The following FAM107B variants were observed in gnomAD, a reference collection of about 807,000 sequenced individuals.
FAM107B encodes protein FAM107B.
In FAM107B, 21 loss-of-function variants were observed where a neutral mutation model predicts 31.5. That is an observed-to-expected ratio of 0.67 (90% CI 0.47 to 0.96). The LOEUF (loss-of-function observed/expected upper bound fraction) is 0.96, where lower values mean the gene tolerates loss of function less well. Ranked by LOEUF, FAM107B falls within the 40% of genes least tolerant of loss-of-function variation. The pLI is 0.00. For missense variants in FAM107B, 452 were observed against 377.1 expected, an observed-to-expected ratio of 1.20 and a Z score of -1.64; for synonymous variants, 157 against 141.5, an observed-to-expected ratio of 1.11 and a Z score of -0.78.
Position 14,659,334 on chromosome 10 carries a change from C to T in FAM107B, c.469+8300G>A, listed in dbSNP as rs545508803. ...CGCGCACCTGTAGTCTCAGCTCCTC[C>T]GGAGGCTGAGGCAGGAGAATTGCTG... On this transcript the variant is annotated intron_variant, in intron 2 of 4. Transcript: ENST00000181796. Among the ~76,000 whole-genome samples the T allele has an allele frequency of 4.6e-5, 7 of 152,134 alleles. No homozygotes were observed. In the South Asian group the frequency reaches 6.2e-4, roughly 13 times the overall value.
intron 1 of FAM107B, among the ~76,000 whole-genome samples, chr10:14,746,216 A>G (rs1212342102): frequency 6.6e-6 from 1 of 152,122 alleles, no homozygotes; most frequent in Non-Finnish European, 1.5e-5. Flanking sequence ...GGTCTCTTGA[A>G]TCAGCACACC....
intron 2 of FAM107B, among the ~76,000 whole-genome samples, chr10:14,534,158 G>C (rs1158732554): frequency 1.3e-5 from 2 of 152,178 alleles, no homozygotes; most frequent in Non-Finnish European, 2.9e-5. Context: ...TCTGAGTTAA[G>C]CATGGAGACC....
At chr10:14,526,259 C>A (rs983534942) in intron 3 of FAM107B, among the ~76,000 whole-genome samples, 1 of 152,198 alleles carries the variant, frequency 6.6e-6, no homozygotes, top group South Asian at 2.1e-4. Flanking sequence ...CTGCAACCTC[C>A]GCTTCCTGGG....
At chr10:14,736,556 C>T (rs1405931811) in intron 1 of FAM107B, among the ~76,000 whole-genome samples, 1 of 151,962 alleles carries the variant, frequency 6.6e-6, no homozygotes, top group Middle Eastern at 3.2e-3. Flanking sequence ...AGTCCATTAC[C>T]AAAAAATAAA....
intron 2 of FAM107B, among the ~76,000 whole-genome samples, chr10:14,562,523 T>C (rs767359885): frequency 1.1e-4 from 16 of 152,158 alleles, no homozygotes; most frequent in Non-Finnish European, 1.9e-4. Flanking sequence ...TCATAAGAAA[T>C]GTAAAACAAA....
At chr10:14,711,634 T>A (rs113679057) in intron 1 of FAM107B, among the ~76,000 whole-genome samples, 2 of 152,310 alleles carry the variant, frequency 1.3e-5, no homozygotes, top group African/African-American at 4.8e-5. Flanking sequence ...CAAAAATGTA[T>A]CCCTGCTTTT....
intron 3 of FAM107B, among the ~76,000 whole-genome samples, chr10:14,523,909 C>A (rs1385293520): frequency 3.3e-5 from 5 of 150,360 alleles, no homozygotes; most frequent in Admixed American, 3.3e-4. Context: ...CTCTGTTGCC[C>A]GGGCTGGAGT....
At chr10:14,536,207 C>A (rs1847585912) in intron 2 of FAM107B, among the ~76,000 whole-genome samples, 1 of 152,190 alleles carries the variant, frequency 6.6e-6, no homozygotes, top group Admixed American at 6.5e-5. Context: ...ATATATAAGA[C>A]CTAATTCTAT....
At chr10:14,673,207 C>T (rs575692924) in intron 1 of FAM107B, among the ~76,000 whole-genome samples, 1 of 152,274 alleles carries the variant, frequency 6.6e-6, no homozygotes, top group African/African-American at 2.4e-5. Flanking sequence ...AGTCACCCTG[C>T]AGTGCTATAG....
intron 2 of FAM107B, among the ~76,000 whole-genome samples, chr10:14,579,791 G>C (rs1851575895): frequency 1.3e-5 from 2 of 152,068 alleles, no homozygotes; most frequent in African/African-American, 2.4e-5. Context: ...TTGGGAGGCT[G>C]AGGACAGATC....
At chr10:14,660,281 A>G (rs1854198797) in intron 2 of FAM107B, among the ~76,000 whole-genome samples, 1 of 152,222 alleles carries the variant, frequency 6.6e-6, no homozygotes, top group Non-Finnish European at 1.5e-5. Context: ...AGCATTCAAA[A>G]AAACCTGGCC....
intron 1 of FAM107B, among the ~76,000 whole-genome samples, chr10:14,773,137 T>C (rs1027569961): frequency 6.6e-6 from 1 of 152,212 alleles, no homozygotes; most frequent in African/African-American, 2.4e-5. Flanking sequence ...CAGTTTTTGC[T>C]GTGACAGAGG....
At chr10:14,740,462 A>G (rs1277252766) in intron 1 of FAM107B, among the ~76,000 whole-genome samples, 2 of 152,218 alleles carry the variant, frequency 1.3e-5, no homozygotes, top group East Asian at 3.8e-4. Flanking sequence ...GGGGAAGGAG[A>G]CATAGGTGGA....
chr10:14,701,726 T>C (rs201680729), intron 1 of FAM107B, among the ~76,000 whole-genome samples: 3 of 151,834 alleles, frequency 2.0e-5, no homozygotes, highest in South Asian at 2.1e-4. Context: ...TTTTTTTTTT[T>C]CCAACAAAAA....
chr10:14,606,894 G>C (rs1429905900), intron 2 of FAM107B, among the ~76,000 whole-genome samples: 1 of 152,214 alleles, frequency 6.6e-6, no homozygotes, highest in African/African-American at 2.4e-5. Flanking sequence ...GAAATGTCTT[G>C]TTTAAGCCAC....
chr10:14,728,870 T>C (rs990869721), intron 1 of FAM107B, among the ~76,000 whole-genome samples: 1 of 152,232 alleles, frequency 6.6e-6, no homozygotes, highest in Non-Finnish European at 1.5e-5. Flanking sequence ...GATTCAGGCC[T>C]GATGGGGAAA....
At chr10:14,669,044 A>G (rs811523) in intron 1 of FAM107B, among the ~76,000 whole-genome samples, 1 of 152,150 alleles carries the variant, frequency 6.6e-6, no homozygotes, top group South Asian at 2.1e-4. Flanking sequence ...ATTAGAACCC[A>G]CCAGACTCTA....
chr10:14,604,181 G>A (rs1852507549), intron 2 of FAM107B: 12 of 966,544 alleles, frequency 1.2e-5, no homozygotes, highest in Non-Finnish European at 1.3e-5. Flanking sequence ...CAGGGCCGCC[G>A]CCCGCCTCCC....
intron 2 of FAM107B, among the ~76,000 whole-genome samples, chr10:14,600,512 CA>C (rs1167262817): frequency 2.6e-5 from 4 of 152,132 alleles, no homozygotes; most frequent in Non-Finnish European, 5.9e-5. Flanking sequence ...ACCCAACCCC[CA>C]CCTTCAATGG....
Sources: allele counts gnomAD v4.1 joint callset (sites outside exome capture counted in the v4.1 genomes callset), GRCh38; gene constraint gnomAD v4.1.1; transcripts MANE v1.5; gene names NCBI Gene and HGNC (gene_info 2026-07-23, HGNC 2026-07-21).